The following SLC4A4 variants were observed in gnomAD, a reference collection of about 807,000 sequenced individuals.
The protein encoded by SLC4A4 is electrogenic sodium bicarbonate cotransporter 1.
A neutral mutation model predicts 111.5 loss-of-function variants in SLC4A4; 27 were observed. That is an observed-to-expected ratio of 0.24 (90% CI 0.18 to 0.33). The LOEUF is 0.33. Ranked by LOEUF, SLC4A4 falls within the 10% of genes least tolerant of loss-of-function variation. SLC4A4 has a pLI of 1.00. For synonymous variants in SLC4A4, 443 were observed against 463.4 expected (o/e 0.96, Z 0.57); for missense variants, 909 against 1,315.5 (o/e 0.69, Z 4.78).
Position 71,236,664 on chromosome 4 carries a change from T to C in SLC4A4, c.73+15T>C. The C allele has an allele frequency of 1.2e-6, 2 of 1,605,292 alleles. No individual in the cohort carries two copies. Among genetic ancestry groups the C allele is most frequent in the East Asian group, 2.2e-5 (1 of 44,812 alleles). ...AGAAGTAGAAGGTGAGCTTTATGGG[T>C]CTGGGAAAGTGTCTGTTGACATACA... On this transcript the variant is annotated intron_variant, in intron 2 of 25. Coordinates refer to ENST00000264485, the MANE Select transcript of SLC4A4 (RefSeq NM_001098484.3).
At chr4:71,427,324 C>G (rs1035992247) in intron 7 of SLC4A4, among the ~76,000 whole-genome samples, 4 of 152,020 alleles carry the variant, frequency 2.6e-5, no homozygotes, top group African/African-American at 9.7e-5. Context: ...TTTGCAGCTT[C>G]ATTCCACAAG....
intron 1 of SLC4A4, among the ~76,000 whole-genome samples, chr4:71,076,364 C>G (rs747480491): frequency 6.6e-6 from 1 of 152,020 alleles, no homozygotes; most frequent in African/African-American, 2.4e-5. Flanking sequence ...AACCCTGTCT[C>G]GACTAAAAAT....
intron 13 of SLC4A4, among the ~76,000 whole-genome samples, chr4:71,471,032 C>T (rs940269646): frequency 2.0e-5 from 3 of 151,924 alleles, no homozygotes; most frequent in Non-Finnish European, 1.5e-5. Flanking sequence ...CTGGGTGCTT[C>T]GTAGCCTGGT....
At chr4:71,264,203 C>T (rs909549190) in intron 3 of SLC4A4, among the ~76,000 whole-genome samples, 7 of 152,058 alleles carry the variant, frequency 4.6e-5, no homozygotes, top group Non-Finnish European at 8.8e-5. Flanking sequence ...TTTACTGATT[C>T]TGAAACAAGA....
chr4:71,419,023 G>C (rs976067139), intron 7 of SLC4A4, among the ~76,000 whole-genome samples: 1 of 152,148 alleles, frequency 6.6e-6, no homozygotes, highest in African/African-American at 2.4e-5. Flanking sequence ...CATGAACCGC[G>C]AATGCAGCTG....
chr4:71,453,716 C>A (rs750491778), intron 12 of SLC4A4, 47 bp downstream of exon 12: 6 of 1,565,578 alleles, frequency 3.8e-6, no homozygotes, highest in South Asian at 2.2e-5. Context: ...CCCAGATTGC[C>A]TTCCTCACCC....
Position 71,567,839 on chromosome 4 carries a change from A to G in SLC4A4, c.*88A>G, listed in dbSNP as rs1247835436. On this transcript the variant is annotated 3_prime_UTR_variant, in exon 26 of 26. Coordinates refer to ENST00000264485, the MANE Select transcript of SLC4A4 (RefSeq NM_001098484.3). ...TGCCTCAAATTAGAATAGAACTTGA[A>G]CCTGAAGACAATGATTATTTCTGGA... is the stretch of plus-strand genomic sequence containing the variant. The G allele has an allele frequency of 1.9e-6, 3 of 1,552,558 alleles. No individual in the cohort carries two copies. The South Asian group carries it at 3.6e-5, about 19-fold the overall frequency.
At position 71,528,861 on chromosome 4, in the gene SLC4A4, A is replaced by T. The variant is rs143510827; in HGVS notation, c.2167-3201A>T. 8.6e-4 allele frequency among the ~76,000 whole-genome samples: 131 copies of T among 152,206 alleles called. No individual in the cohort carries two copies. In the East Asian group the frequency reaches 0.019, roughly 22 times the overall value. On this transcript the variant is annotated intron_variant, in intron 16 of 25. Transcript: ENST00000264485. ...TGAAAAATTCTGTATGTACACATAT[A>T]TATGGACATAAATATGTAGAAAAGG...
intron 2 of SLC4A4, among the ~76,000 whole-genome samples, chr4:71,239,227 T>A (rs1174318330): frequency 6.6e-6 from 1 of 152,220 alleles, no homozygotes; most frequent in Non-Finnish European, 1.5e-5. Context: ...ACATAGAAGT[T>A]TACAATGTTT....
chr4:71,356,303 C>CT (rs894461326), intron 5 of SLC4A4, among the ~76,000 whole-genome samples: 4 of 151,376 alleles, frequency 2.6e-5, no homozygotes, highest in Admixed American at 1.3e-4. Context: ...AGAAACTTTA[C>CT]TTTTTTTTTG....
At chr4:71,063,405 C>T (rs1741436414) in intron 1 of SLC4A4, among the ~76,000 whole-genome samples, 1 of 152,128 alleles carries the variant, frequency 6.6e-6, no homozygotes, top group African/African-American at 2.4e-5. Flanking sequence ...ACAATTCTAG[C>T]TTCCTTCACT....
chr4:71,279,527 C>T (rs771336086), intron 3 of SLC4A4, among the ~76,000 whole-genome samples: 1 of 151,954 alleles, frequency 6.6e-6, no homozygotes, highest in Non-Finnish European at 1.5e-5. Flanking sequence ...TCCATTTATA[C>T]TTGTGTTGAT....
At chr4:71,399,165 C>T (rs933036506) in intron 7 of SLC4A4, among the ~76,000 whole-genome samples, 1 of 152,130 alleles carries the variant, frequency 6.6e-6, no homozygotes, top group Non-Finnish European at 1.5e-5. Flanking sequence ...GAGTCTTTAG[C>T]ATTGTCCAAT....
chr4:71,083,378 T>C (rs1742047480), intron 1 of SLC4A4, among the ~76,000 whole-genome samples: 2 of 151,976 alleles, frequency 1.3e-5, no homozygotes, highest in Admixed American at 1.3e-4. Context: ...TTTGAGACTC[T>C]ACTCATTTCT....
intron 2 of SLC4A4, among the ~76,000 whole-genome samples, chr4:71,167,182 G>A (rs1744800608): frequency 6.6e-6 from 1 of 152,060 alleles, no homozygotes; most frequent in African/African-American, 2.4e-5. Context: ...CCTGTGTTGG[G>A]AAGACTTGAA....
intron 7 of SLC4A4, among the ~76,000 whole-genome samples, chr4:71,425,826 G>T (rs1723073684): frequency 6.6e-6 from 1 of 152,078 alleles, no homozygotes; most frequent in Non-Finnish European, 1.5e-5. Flanking sequence ...ATAAAGGGTT[G>T]TGGAGAACAA....
At chr4:71,387,658 C>A (rs1718875902) in intron 6 of SLC4A4, among the ~76,000 whole-genome samples, 1 of 152,090 alleles carries the variant, frequency 6.6e-6, no homozygotes, top group South Asian at 2.1e-4. Context: ...CCACGCCTGG[C>A]TAATTTTATA....
At chr4:71,476,423 C>T (rs896407074) in intron 14 of SLC4A4, among the ~76,000 whole-genome samples, 10 of 151,650 alleles carry the variant, frequency 6.6e-5, no homozygotes, top group Admixed American at 3.9e-4. Context: ...GTTAAACTGG[C>T]GTATGACTTG....
chr4:71,471,760 T>C (rs1387739860), intron 13 of SLC4A4, among the ~76,000 whole-genome samples: 3 of 151,952 alleles, frequency 2.0e-5, no homozygotes, highest in Non-Finnish European at 4.4e-5. Context: ...AATCTTGAAC[T>C]ATTAATCAAT....
Sources: gnomAD v4.1 joint callset for allele counts (sites outside exome capture counted in the v4.1 genomes callset) on GRCh38, gnomAD v4.1.1 for gene constraint, MANE v1.5 for transcripts, NCBI Gene and HGNC (gene_info 2026-07-23, HGNC 2026-07-21) for gene names.